Variants in MACROD2 observed in about 807,000 individuals in gnomAD.
MACROD2 encodes the protein mono-ADP ribosylhydrolase 2, also known as ADP-ribose glycohydrolase MACROD2.
A neutral mutation model predicts 70.4 loss-of-function variants in MACROD2; 36 were observed. That is an observed-to-expected ratio of 0.51 (90% CI 0.39 to 0.68). The LOEUF is 0.68. Ranked by LOEUF, MACROD2 falls within the 30% of genes least tolerant of loss-of-function variation. MACROD2 has a pLI of 0.00. For synonymous variants in MACROD2, 172 were observed against 178.8 expected (o/e 0.96, Z 0.30); for missense variants, 496 against 538.4 (o/e 0.92, Z 0.78).
chr20:15,192,734 A>T (rs1388725300), intron 5 of MACROD2, among the ~76,000 whole-genome samples: 1 of 152,252 alleles, frequency 6.6e-6, no homozygotes, highest in Non-Finnish European at 1.5e-5. Context: ...GTTTTACAGC[A>T]GCAACAAAGA....
intron 3 of MACROD2, among the ~76,000 whole-genome samples, chr20:14,204,938 A>G (rs748920459): frequency 1.2e-4 from 19 of 152,198 alleles, no homozygotes; most frequent in South Asian, 2.1e-4. Context: ...AGTACTCTAC[A>G]TAACTATGGA....
intron 10 of MACROD2, among the ~76,000 whole-genome samples, chr20:15,913,944 A>G (rs993496462): frequency 2.6e-5 from 4 of 152,220 alleles, no homozygotes; most frequent in Non-Finnish European, 5.9e-5. Context: ...ATTTACCATG[A>G]CTGCAAATCA....
intron 5 of MACROD2, among the ~76,000 whole-genome samples, chr20:14,728,643 G>T (rs1404051352): frequency 1.3e-5 from 2 of 152,092 alleles, no homozygotes; most frequent in Non-Finnish European, 2.9e-5. Flanking sequence ...CATGATTCTG[G>T]TCAATACAGT....
chr20:15,259,327 AAATTTCC>A (rs1303862085), intron 6 of MACROD2, among the ~76,000 whole-genome samples: 13 of 152,040 alleles, frequency 8.6e-5, no homozygotes, highest in African/African-American at 3.1e-4. Flanking sequence ...ACAAATGAGA[AAATTTCC>A]AATAGGACAA....
intron 5 of MACROD2, among the ~76,000 whole-genome samples, chr20:14,852,857 A>G (rs2073213551): frequency 6.6e-6 from 1 of 152,178 alleles, no homozygotes; most frequent in South Asian, 2.1e-4. Flanking sequence ...CTGTTCAACA[A>G]ACTTATCCCT....
chr20:15,124,891 G>C (rs563571268), intron 5 of MACROD2, among the ~76,000 whole-genome samples: 7 of 151,954 alleles, frequency 4.6e-5, no homozygotes, highest in East Asian at 1.9e-4. Flanking sequence ...GTAAAGTCAT[G>C]ATGGAAGTGC....
At chr20:15,952,901 C>A (rs1212906878) in intron 12 of MACROD2, among the ~76,000 whole-genome samples, 1 of 152,150 alleles carries the variant, frequency 6.6e-6, no homozygotes, top group Non-Finnish European at 1.5e-5. Context: ...CCTGAATGCA[C>A]CTGATCTAGT....
At chr20:14,039,574 T>C (rs543745828) in intron 2 of MACROD2, among the ~76,000 whole-genome samples, 6 of 152,298 alleles carry the variant, frequency 3.9e-5, no homozygotes, top group Non-Finnish European at 7.4e-5. Flanking sequence ...AGTTTACAAA[T>C]GTTCATTATA....
At chr20:14,611,452 GTTT>G (rs11473891) in intron 4 of MACROD2, among the ~76,000 whole-genome samples, 8 of 113,376 alleles carry the variant, frequency 7.1e-5, no homozygotes, top group Non-Finnish European at 1.1e-4. Flanking sequence ...ATGCCCTGAG[GTTT>G]TTTTTTTTTT....
At chr20:14,998,441 T>C (rs1483106578) in intron 5 of MACROD2, among the ~76,000 whole-genome samples, 1 of 152,014 alleles carries the variant, frequency 6.6e-6, no homozygotes, top group Admixed American at 6.6e-5. Context: ...TTTTTGAAAA[T>C]CAAGTAGAAA....
Position 14,334,757 on chromosome 20 carries a change from T to C in MACROD2, c.272-158722T>C, listed in dbSNP as rs192469994. 2.0e-5 allele frequency among the ~76,000 whole-genome samples: 3 copies of C among 152,120 alleles called. 1 individual carries two copies. The East Asian group carries it at 5.8e-4, about 29-fold the overall frequency. On this transcript the variant is annotated intron_variant, in intron 3 of 17. Transcript: ENST00000684519. ...TTATTTCCATTGTTGACTTTATTTATGGTAGTCTTCATTTGATTTAAACAG... is the reference window on the plus strand; with the variant it reads ...TTATTTCCATTGTTGACTTTATTTACGGTAGTCTTCATTTGATTTAAACAG...
chr20:15,643,491 C>G (rs1396427270), intron 8 of MACROD2, among the ~76,000 whole-genome samples: 1 of 152,202 alleles, frequency 6.6e-6, no homozygotes, highest in Admixed American at 6.5e-5. Flanking sequence ...ATTTCAGTCT[C>G]TGTCAGATTG....
chr20:15,696,015 C>T (rs1308142444), intron 8 of MACROD2, among the ~76,000 whole-genome samples: 9 of 152,154 alleles, frequency 5.9e-5, no homozygotes, highest in African/African-American at 1.2e-4. Flanking sequence ...TCCTCTTTAC[C>T]GATTTGGATG....
At chr20:14,520,592 T>C (rs1163796017) in intron 4 of MACROD2, among the ~76,000 whole-genome samples, 1 of 152,046 alleles carries the variant, frequency 6.6e-6, no homozygotes, top group Non-Finnish European at 1.5e-5. Flanking sequence ...AATCCACATA[T>C]AATCTTTCGC....
chr20:15,346,138 A>G (rs1262640030), intron 6 of MACROD2, among the ~76,000 whole-genome samples: 2 of 151,818 alleles, frequency 1.3e-5, no homozygotes, highest in African/African-American at 4.8e-5. Context: ...GCCACAGTGC[A>G]GTGGCATAAT....
chr20:15,732,318 G>T (rs1006311819), intron 8 of MACROD2, among the ~76,000 whole-genome samples: 1 of 152,034 alleles, frequency 6.6e-6, no homozygotes, highest in Middle Eastern at 3.2e-3. Flanking sequence ...ACATTTCCTG[G>T]CATCTTCCCA....
At chr20:14,056,293 T>G (rs1225953816) in intron 2 of MACROD2, among the ~76,000 whole-genome samples, 1 of 152,068 alleles carries the variant, frequency 6.6e-6, no homozygotes, top group Non-Finnish European at 1.5e-5. Context: ...TCTTGTGTTG[T>G]CTGTTTTTAG....
chr20:15,141,294 A>G (rs1224349231), intron 5 of MACROD2, among the ~76,000 whole-genome samples: 1 of 152,044 alleles, frequency 6.6e-6, no homozygotes, highest in Non-Finnish European at 1.5e-5. Flanking sequence ...ATACATACAT[A>G]TAGATATACA....
At chr20:15,232,048 T>G (rs992927385) in intron 6 of MACROD2, among the ~76,000 whole-genome samples, 1 of 151,960 alleles carries the variant, frequency 6.6e-6, no homozygotes, top group African/African-American at 2.4e-5. Context: ...GAAAAATATT[T>G]TTCTTTTCTT....
Sources: allele counts gnomAD v4.1 joint callset (sites outside exome capture counted in the v4.1 genomes callset), GRCh38; gene constraint gnomAD v4.1.1; transcripts MANE v1.5; gene names NCBI Gene and HGNC (gene_info 2026-07-23, HGNC 2026-07-21).